The following FAM83F variants were observed in gnomAD, a reference collection of about 807,000 sequenced individuals.
The protein encoded by FAM83F is protein FAM83F.
Under a neutral mutation model 42.9 loss-of-function variants are expected in FAM83F, and 45 were observed. That is an observed-to-expected ratio of 1.05 (90% confidence interval 0.83 to 1.35). The LOEUF (loss-of-function observed/expected upper bound fraction) is 1.35. Among genes scored for constraint, FAM83F ranks in the 40% most tolerant of loss-of-function variants. The pLI, the probability that FAM83F is intolerant of heterozygous loss-of-function variation, is 0.00. For synonymous variants in FAM83F, 306 were observed against 298.3 expected, an observed-to-expected ratio of 1.03 and a Z score of -0.27; for missense variants, 617 against 695.9, an observed-to-expected ratio of 0.89 and a Z score of 1.28.
rs1363734529 is a variant in FAM83F, at chr22:40,021,856, G to A, written c.1346G>A (p.Arg449Lys). The A allele has an allele frequency of 6.2e-7, 1 of 1,612,206 alleles. No homozygotes were observed. The highest frequency in any genetic ancestry group is 8.5e-7 in the Non-Finnish European group (1 of 1,179,388). ...AGGCTCTTCAGTCGCCGAGCCAAGA[G>A]GCCTGCGGCGCCCAATGGCATGGCC... ...SSRLFSRRAK[R>K]PAAPNGMASS... Residue 449 changes from arginine (R) to lysine (K), a missense_variant, in exon 4 of 5, where the codon AGG becomes AAG. Transcript: ENST00000333407. This position sits in a 1 kb window ranked among gnomAD's most constrained non-coding sequence, Gnocchi z 8.7.
chr22:40,019,025 C>T (rs943454258), intron 1 of FAM83F, 143 bp from the exon 2 acceptor site: 135 of 915,250 alleles, frequency 1.5e-4, no homozygotes, highest in South Asian at 2.8e-4. Flanking sequence ...GATCGGGGGA[C>T]GTGGAACTCC....
rs909051438 is a variant in FAM83F, at chr22:40,023,864, C to A, written c.1453+1901C>A. On this transcript the variant is annotated intron_variant, in intron 4 of 4. Coordinates refer to ENST00000333407, the MANE Select transcript of FAM83F (RefSeq NM_138435.4). The surrounding 1 kb of genome is among the most constrained non-coding windows in gnomAD (Gnocchi z 4.1). Reference sequence around the variant, plus strand: ...CGGAACCATCATCCCGTTCCTTGTCCGTCCTTTAGACGAACACAGAGCAGC... The same window carrying A: ...CGGAACCATCATCCCGTTCCTTGTCAGTCCTTTAGACGAACACAGAGCAGC... Among the ~76,000 whole-genome samples, 3 of 152,188 alleles carry A rather than the reference C, an allele frequency of 2.0e-5. No individual in the cohort carries two copies. Among genetic ancestry groups the A allele is most frequent in the African/African-American group, 7.2e-5 (3 of 41,450 alleles).
chr22:40,007,256 C>G (rs201473191), intron 1 of FAM83F, among the ~76,000 whole-genome samples: 1 of 86,686 alleles, frequency 1.2e-5, no homozygotes, highest in Non-Finnish European at 2.5e-5. Context: ...CTCTCCTCCT[C>G]CTTTCCTCCT....
At chr22:39,997,042 CACA>C (rs2067376097) in intron 1 of FAM83F, among the ~76,000 whole-genome samples, 1 of 152,226 alleles carries the variant, frequency 6.6e-6, no homozygotes, top group Non-Finnish European at 1.5e-5. Context: ...ATTAGCTTTT[CACA>C]ACAACCGGGT....
chr22:40,006,697 G>T (rs1241405279), intron 1 of FAM83F, among the ~76,000 whole-genome samples: 3 of 152,206 alleles, frequency 2.0e-5, no homozygotes, highest in Admixed American at 6.5e-5. Flanking sequence ...GCCTCTTTGG[G>T]TTGGACGCAC....
At chr22:40,025,286 C>T (rs1460427665) in intron 4 of FAM83F, among the ~76,000 whole-genome samples, 1 of 152,064 alleles carries the variant, frequency 6.6e-6, no homozygotes, top group African/African-American at 2.4e-5. Flanking sequence ...GGGGGTAGTG[C>T]CGTGTGCCTG....
intron 1 of FAM83F, among the ~76,000 whole-genome samples, chr22:40,000,115 C>T (rs922727586): frequency 3.9e-5 from 6 of 152,170 alleles, no homozygotes; most frequent in Non-Finnish European, 5.9e-5. Flanking sequence ...TTCTATTGGC[C>T]GCCTGTCCCT....
chr22:40,034,905 A>G lies in FAM83F; in HGVS notation c.*5340A>G, dbSNP rs988469685. 6.6e-6 allele frequency: 1 copy of G among 152,076 alleles called. No individual in the cohort carries two copies. Among genetic ancestry groups the G allele is most frequent in the Non-Finnish European group, 1.5e-5 (1 of 68,014 alleles). 9.4% of individuals were successfully genotyped at this position (152,076 alleles called of 1,614,324 possible). A position where few individuals can be genotyped will look rare whatever the true frequency, so the allele number is the denominator to read the frequency against. The stretch of plus-strand genomic sequence containing the variant: ...CTCTAGGAAGGCTTCTCCTTTCTTC[A>G]TCTGTCCTAAGTGCATGGTCTTCAT... On this transcript the variant is annotated 3_prime_UTR_variant, in exon 5 of 5. Coordinates refer to ENST00000333407, the MANE Select transcript of FAM83F (RefSeq NM_138435.4).
rs540889931 is a variant in FAM83F, at chr22:40,023,184, G to A, written c.1453+1221G>A. ...CCCACAACCACCCTTCAAGCACAGA[G>A]GTGGCAGATGGCTCGGAGAGGTGAA... is the stretch of plus-strand genomic sequence containing the variant. On this transcript the variant is annotated intron_variant, in intron 4 of 4. Transcript: ENST00000333407. This position sits in a 1 kb window ranked among gnomAD's most constrained non-coding sequence, Gnocchi z 4.1. 1.3e-5 allele frequency among the ~76,000 whole-genome samples: 2 copies of A among 152,342 alleles called. No individual in the cohort carries two copies. Among genetic ancestry groups the A allele is most frequent in the Non-Finnish European group, 2.9e-5 (2 of 68,030 alleles).
chr22:40,003,728 C>A (rs2067413283), intron 1 of FAM83F, among the ~76,000 whole-genome samples: 1 of 152,132 alleles, frequency 6.6e-6, no homozygotes, highest in African/African-American at 2.4e-5. Context: ...ATCCCATAAT[C>A]TTAGCCCTGG....
In FAM83F at chr22:40,035,013, C is replaced by T. The variant is rs2067613548; in HGVS notation, c.*5448C>T. On this transcript the variant is annotated 3_prime_UTR_variant, in exon 5 of 5. Transcript: ENST00000333407. The stretch of plus-strand genomic sequence containing the variant: ...ATGGCCCTGTCTGCATGCTTCCTTT[C>T]AAAAGCTAGCATAGAAAGGAGGGCC... The T allele has an allele frequency of 6.6e-6, 1 of 152,196 alleles. No individual in the cohort carries two copies. The highest frequency in any genetic ancestry group is 2.4e-5 in the African/African-American group (1 of 41,444). 9.4% of individuals were successfully genotyped at this position (152,196 alleles called of 1,614,324 possible).
At chr22:40,026,883 C>G (rs1435453290) in intron 4 of FAM83F, among the ~76,000 whole-genome samples, 1 of 152,202 alleles carries the variant, frequency 6.6e-6, no homozygotes, top group Admixed American at 6.5e-5. Context: ...GGTCTCAGAT[C>G]TCTCTCTTGC....
chr22:40,019,135 CCG>C, intron 1 of FAM83F, 31 bp from the exon 2 acceptor site: 1 of 1,610,306 alleles, frequency 6.2e-7, no homozygotes, highest in Non-Finnish European at 8.5e-7. Flanking sequence ...CGTGTAGACA[CCG>C]TGTGCCTCAC....
chr22:40,017,225 C>CT (rs59308005), intron 1 of FAM83F, among the ~76,000 whole-genome samples: 38,941 of 115,600 alleles, frequency 0.34, 8,097 homozygotes, highest in African/African-American at 0.52. Context: ...TCAGCACTTT[C>CT]TTTTTTTTTT....
intron 4 of FAM83F, among the ~76,000 whole-genome samples, chr22:40,026,291 T>G (rs8141110): frequency 0.024 from 3,664 of 152,138 alleles, 144 homozygotes; most frequent in African/African-American, 0.083. Context: ...GAGGCCTAGG[T>G]GGGCAGATCA....
rs780677816 is a variant in FAM83F, at chr22:40,019,334, G to A, written c.656G>A (p.Arg219Gln). Residue 219 changes from arginine (R) to glutamine (Q), a missense_variant and splice_region_variant, in exon 2 of 5, where the codon CGG becomes CAG. Arg to Gln is a conservative substitution (Grantham distance 43). Coordinates refer to ENST00000333407, the MANE Select transcript of FAM83F (RefSeq NM_138435.4). ...CTGCAGCTCACTGACTTCCGGATTC[G>A]GGTAAGTTGCACCACTGGGGTGGAA... ...QDLQLTDFRI[R>Q]NIRVRSVTGV... is the part of the protein sequence containing the mutation. The A allele has an allele frequency of 3.7e-5, 60 of 1,613,334 alleles. No individual in the cohort carries two copies. Among genetic ancestry groups the A allele is most frequent in the Admixed American group, 6.7e-5 (4 of 59,988 alleles).
At chr22:40,008,286 C>T (rs114518811) in intron 1 of FAM83F, among the ~76,000 whole-genome samples, 1,903 of 152,298 alleles carry the variant, frequency 0.012, 37 homozygotes, top group African/African-American at 0.044. Flanking sequence ...GGGAGCTCAG[C>T]GGGCCCCCCA....
rs2067619484 is a variant in FAM83F at position 40,035,683 on chromosome 22, ACC to A, written c.*6119_*6120del. On this transcript the variant is annotated 3_prime_UTR_variant, in exon 5 of 5. Transcript: ENST00000333407. ...CAAGGGCTGAAATCCTATCTCTGCCACCGAACAGCTAATGACCCCAGCAAGCA... is the reference window on the plus strand; with the variant it reads ...CAAGGGCTGAAATCCTATCTCTGCCAGAACAGCTAATGACCCCAGCAAGCA... 6.6e-6 allele frequency: 1 copy of A among 152,282 alleles called. No homozygotes were observed. Among genetic ancestry groups the A allele is most frequent in the Non-Finnish European group, 1.5e-5 (1 of 68,096 alleles). 9.4% of individuals were successfully genotyped at this position (152,282 alleles called of 1,614,324 possible).
chr22:40,026,907 G>A (rs2067556567), intron 4 of FAM83F, among the ~76,000 whole-genome samples: 1 of 152,172 alleles, frequency 6.6e-6, no homozygotes, highest in South Asian at 2.1e-4. Context: ...TGCTGCGTCT[G>A]GGGCATCTGC....
Sources: allele counts gnomAD v4.1 joint callset (sites outside exome capture counted in the v4.1 genomes callset), GRCh38; gene constraint gnomAD v4.1.1; non-coding constraint Gnocchi (gnomAD v3.1); transcripts MANE v1.5; gene names NCBI Gene and HGNC (gene_info 2026-07-23, HGNC 2026-07-21).